The following BBS1 variants were observed in gnomAD, a reference collection of about 807,000 sequenced individuals.
BBS1 encodes the protein Bardet-Biedl syndrome 1, also known as BBSome complex member BBS1.
Under a neutral mutation model 73.9 loss-of-function variants are expected in BBS1, and 60 were observed. The ratio of observed to expected loss-of-function variants is 0.81; its 90% CI spans 0.66 to 1.01. BBS1 has a LOEUF of 1.01. Ranked by LOEUF, BBS1 falls within the 50% of genes least tolerant of loss-of-function variation. The probability of loss-of-function intolerance (pLI) is 0.00; values close to 1 mark genes in which losing one functional copy is unlikely to be tolerated. For synonymous variants in BBS1, 283 were observed against 317.4 expected, an observed-to-expected ratio of 0.89 and a Z score of 1.15; for missense variants, 718 against 770.3, an observed-to-expected ratio of 0.93 and a Z score of 0.80.
intron 3 of BBS1, among the ~76,000 whole-genome samples, chr11:66,512,012 ATATATATGTG>A (rs1855960441): frequency 7.0e-6 from 1 of 143,082 alleles, no homozygotes; most frequent in Non-Finnish European, 1.5e-5. Flanking sequence ...AAATATATAT[ATATATATGTG>A]TATATATATG....
intron 14 of BBS1, among the ~76,000 whole-genome samples, chr11:66,530,158 C>G (rs905270743): frequency 7.2e-5 from 11 of 152,270 alleles, no homozygotes; most frequent in African/African-American, 2.6e-4. Context: ...CCTGTGCCAC[C>G]TCTCCCCTCG....
chr11:66,517,724 C>T (rs1301352064), intron 7 of BBS1, among the ~76,000 whole-genome samples: 1 of 151,870 alleles, frequency 6.6e-6, no homozygotes, highest in African/African-American at 2.4e-5. Context: ...CCTCAGCCTC[C>T]CAAAATGCTG....
chr11:66,518,746 C>T (rs2134778884), intron 7 of BBS1, among the ~76,000 whole-genome samples: 1 of 150,500 alleles, frequency 6.6e-6, no homozygotes, highest in African/African-American at 2.4e-5. Flanking sequence ...GCCACCACGC[C>T]CAGCCCTTTT....
At chr11:66,521,539 C>A in intron 9 of BBS1, 163 bp downstream of exon 9, 1 of 685,766 alleles carries the variant, frequency 1.5e-6, no homozygotes. Context: ...GGGAGGATAC[C>A]TGGAGGCTTG....
At chr11:66,529,780 C>A in intron 13 of BBS1, 39 bp from the exon 14 acceptor site, 1 of 1,607,594 alleles carries the variant, frequency 6.2e-7, no homozygotes. Context: ...CCTGCCACCC[C>A]CCACCTCCAC....
At chr11:66,522,370 C>T (rs1409729397) in intron 9 of BBS1, among the ~76,000 whole-genome samples, 1 of 148,766 alleles carries the variant, frequency 6.7e-6, no homozygotes, top group African/African-American at 2.5e-5. Flanking sequence ...GACAGAGTCA[C>T]AGAGTCTCAC....
intron 11 of BBS1, among the ~76,000 whole-genome samples, chr11:66,525,097 G>A (rs982010447): frequency 1.2e-4 from 18 of 152,100 alleles, no homozygotes; most frequent in Admixed American, 9.8e-4. Flanking sequence ...CTACTCAGGA[G>A]GCTGAGGCAG....
Position 66,529,888 on chromosome 11 carries a change from C to A in BBS1, c.1409C>A (p.Ala470Asp). 1 of 1,609,354 alleles carries A rather than the reference C, an allele frequency of 6.2e-7. No individual in the cohort carries two copies. The highest frequency in any genetic ancestry group is 8.5e-7 in the Non-Finnish European group (1 of 1,179,942). The change falls in exon 14 of 17, where the codon GCC becomes GAC. Residue 470 changes from alanine to aspartate, a missense_variant. Transcript: ENST00000318312. ...RLRAARAYLQ[A>D]LESSLSPLST... ...CGTGCTGCCCGCGCCTACCTGCAGG[C>A]CCTCGAGTCCAGCCTGAGCCCCCTG... is the stretch of plus-strand genomic sequence containing the variant.
Position 66,531,739 on chromosome 11 carries a change from C to T in BBS1, c.1692C>T (p.Ile564=), listed in dbSNP as rs2134841325. The part of the protein sequence containing the change: ...SLSNKGISDI[I]KVLVLREGQS... ...GTAACAAGGGCATCTCAGACATCAT[C>T]AAGGTAGGCCCCGCACTTGTACCAC... The change falls in exon 16 of 17, where the codon ATC becomes ATT. Residue 564 remains isoleucine, a synonymous_variant. Coordinates refer to ENST00000318312, the MANE Select transcript of BBS1 (RefSeq NM_024649.5). 1 of 1,614,024 alleles carries T rather than the reference C, an allele frequency of 6.2e-7. No homozygotes were observed. Among genetic ancestry groups the T allele is most frequent in the Non-Finnish European group, 8.5e-7 (1 of 1,179,982 alleles).
chr11:66,515,337 C>G (rs968504767), intron 4 of BBS1, among the ~76,000 whole-genome samples: 13 of 151,944 alleles, frequency 8.6e-5, no homozygotes, highest in African/African-American at 3.1e-4. Context: ...TTTGGGGAGG[C>G]ATGGATTTGG....
chr11:66,529,357 C>A, intron 13 of BBS1: 1 of 1,515,338 alleles, frequency 6.6e-7, no homozygotes, highest in Non-Finnish European at 8.9e-7. Flanking sequence ...GTTGATGGGA[C>A]CTCCCTGTGG....
chr11:66,529,021 C>T, intron 13 of BBS1: 2 of 920,862 alleles, frequency 2.2e-6, no homozygotes, highest in Non-Finnish European at 2.6e-6. Context: ...TTCATACCAG[C>T]CACAAAAATT....
intron 3 of BBS1, among the ~76,000 whole-genome samples, chr11:66,513,677 G>C (rs1019566114): frequency 6.6e-6 from 1 of 152,118 alleles, no homozygotes; most frequent in African/African-American, 2.4e-5. Flanking sequence ...AGACCCAGTC[G>C]CTTAAAAATA....
chr11:66,521,243 T>A lies in BBS1; in HGVS notation c.724-27T>A. 3 of 1,573,358 alleles carry A rather than the reference T, an allele frequency of 1.9e-6. No individual in the cohort carries two copies. In the South Asian group the frequency reaches 3.3e-5, roughly 17 times the overall value. ...GGAGGGACGGGGGCTCCAGAGAAAT[T>A]GGAGTGTTTGCGCTTCTTGTTTGCA... On this transcript the variant is annotated intron_variant, in intron 8 of 16. Transcript: ENST00000318312.
intron 9 of BBS1, among the ~76,000 whole-genome samples, chr11:66,521,883 TA>T (rs1590763348): frequency 6.7e-5 from 6 of 89,346 alleles, no homozygotes; most frequent in African/African-American, 1.8e-4. Context: ...CCAGCCTGGG[TA>T]ACGGAGCGAG....
intron 3 of BBS1, among the ~76,000 whole-genome samples, chr11:66,511,467 C>T (rs565170162): frequency 2.6e-5 from 4 of 152,260 alleles, no homozygotes; most frequent in Admixed American, 2.6e-4. Flanking sequence ...GGGGATTCTA[C>T]TAAGACAAAG....
At chr11:66,530,053 G>A (rs1856703941) in intron 14 of BBS1, 101 bp downstream of exon 14, 1 of 1,498,086 alleles carries the variant, frequency 6.7e-7, no homozygotes, top group African/African-American at 1.4e-5. Context: ...CCAATTCCAA[G>A]CCAACTCAGC....
intron 13 of BBS1, among the ~76,000 whole-genome samples, chr11:66,528,212 G>A (rs557084466): frequency 3.7e-4 from 57 of 152,266 alleles, no homozygotes; most frequent in African/African-American, 1.3e-3. Flanking sequence ...GCCAGACTCC[G>A]TCTCAAAGAA....
chr11:66,515,131 T>G (rs1455786881), intron 4 of BBS1, among the ~76,000 whole-genome samples: 1 of 152,086 alleles, frequency 6.6e-6, no homozygotes, highest in African/African-American at 2.4e-5. Context: ...TGATGGCACT[T>G]CTGGACAAGG....
Sources: gnomAD v4.1 joint callset for allele counts (sites outside exome capture counted in the v4.1 genomes callset) on GRCh38, gnomAD v4.1.1 for gene constraint, MANE v1.5 for transcripts, NCBI Gene and HGNC (gene_info 2026-07-23, HGNC 2026-07-21) for gene names.